PARP1: variants seen among roughly 807,000 people sequenced by gnomAD.
PARP1 encodes the protein poly [ADP-ribose] polymerase 1.
Under a neutral mutation model 118.7 loss-of-function variants are expected in PARP1, and 44 were observed. The ratio of observed to expected loss-of-function variants is 0.37; its 90% confidence interval spans 0.29 to 0.48. The LOEUF (loss-of-function observed/expected upper bound fraction) is 0.48, where lower values mean the gene tolerates loss of function less well. Ranked by LOEUF, PARP1 falls within the 20% of genes least tolerant of loss-of-function variation. The pLI, the probability that PARP1 is intolerant of heterozygous loss-of-function variation, is 0.99. For synonymous variants in PARP1, 492 were observed against 483.2 expected, an observed-to-expected ratio of 1.02 and a Z score of -0.24; for missense variants, 1,100 against 1,272.4, an observed-to-expected ratio of 0.86 and a Z score of 2.06.
At chr1:226,385,077 G>A (rs1012496933) in intron 7 of PARP1, among the ~76,000 whole-genome samples, 21 of 152,290 alleles carry the variant, frequency 1.4e-4, no homozygotes, top group African/African-American at 5.1e-4. Flanking sequence ...GAGAGAACGT[G>A]CGATACTAGG....
In PARP1 at chr1:226,361,239, C is replaced by A; in HGVS notation, c.*221G>T. Reference sequence around the variant, plus strand: ...GTTTTATCTACCTGGCAAGAAAAAACAAAAACAACCCCAAAACAACCCCTC... The same window carrying A: ...GTTTTATCTACCTGGCAAGAAAAAAAAAAAACAACCCCAAAACAACCCCTC... On this transcript the variant is annotated 3_prime_UTR_variant, in exon 23 of 23. Coordinates refer to ENST00000366794, the MANE Select transcript of PARP1 (RefSeq NM_001618.4). 1 of 598,280 alleles carries A rather than the reference C, an allele frequency of 1.7e-6. No homozygotes were observed. Among genetic ancestry groups the A allele is most frequent in the Non-Finnish European group, 3.0e-6 (1 of 334,136 alleles). 37.1% of individuals were successfully genotyped at this position (598,280 alleles called of 1,614,324 possible).
intron 2 of PARP1, among the ~76,000 whole-genome samples, chr1:226,399,748 T>C (rs1368291333): frequency 6.6e-6 from 1 of 152,202 alleles, no homozygotes; most frequent in Non-Finnish European, 1.5e-5. Context: ...TCAATGTAGC[T>C]CATCAGCTAT....
At chr1:226,392,545 C>A (rs1664839900) in intron 2 of PARP1, 1 of 573,854 alleles carries the variant, frequency 1.7e-6, no homozygotes, top group East Asian at 3.0e-5. Context: ...GAAAGAGCAG[C>A]ATATCAGGGG....
intron 17 of PARP1, 35 bp downstream of exon 17, chr1:226,367,445 G>A (rs1163677619): frequency 1.2e-6 from 2 of 1,612,130 alleles, no homozygotes; most frequent in Non-Finnish European, 1.7e-6. Context: ...CAGGATGAGA[G>A]GTTAAGATGC....
chr1:226,382,060 G>GA (rs1383482710), intron 8 of PARP1, among the ~76,000 whole-genome samples: 1 of 152,130 alleles, frequency 6.6e-6, no homozygotes, highest in Non-Finnish European at 1.5e-5. Context: ...CAGCACAGTG[G>GA]ACTCGGGATG....
At chr1:226,392,678 T>C (rs1664842280) in intron 2 of PARP1, 2 of 538,866 alleles carry the variant, frequency 3.7e-6, no homozygotes, top group Admixed American at 3.6e-5. Flanking sequence ...TCACTAAGGC[T>C]TCTAATTTCC....
chr1:226,364,965 C>A (rs775409261), intron 19 of PARP1, 37 bp downstream of exon 19: 1 of 1,611,174 alleles, frequency 6.2e-7, no homozygotes, highest in Admixed American at 1.7e-5. Flanking sequence ...CCTGCAGAGA[C>A]AGGCATTGCC....
At chr1:226,386,235 G>A (rs921689985) in intron 6 of PARP1, 91 bp downstream of exon 6, 13 of 807,180 alleles carry the variant, frequency 1.6e-5, no homozygotes, top group African/African-American at 1.2e-4. Context: ...GTGTTCACAC[G>A]GAGGGCCTCC....
intron 8 of PARP1, among the ~76,000 whole-genome samples, 176 bp from the exon 9 acceptor site, chr1:226,381,384 C>T (rs1664603593): frequency 2.6e-5 from 4 of 152,212 alleles, no homozygotes; most frequent in African/African-American, 9.6e-5. Context: ...TACAGATGTC[C>T]CTCAGCACAG....
chr1:226,400,557 A>G (rs567087631), intron 2 of PARP1, among the ~76,000 whole-genome samples: 13 of 152,318 alleles, frequency 8.5e-5, no homozygotes, highest in African/African-American at 3.1e-4. Flanking sequence ...GTTCCCTAGC[A>G]CTGTCACTGC....
intron 1 of PARP1, among the ~76,000 whole-genome samples, chr1:226,406,780 T>C (rs1665156546): frequency 6.6e-6 from 1 of 152,192 alleles, no homozygotes; most frequent in South Asian, 2.1e-4. Flanking sequence ...TATTGTGAAA[T>C]AAGATAACGG....
At chr1:226,388,551 A>C (rs1664756554) in intron 5 of PARP1, 105 bp downstream of exon 5, 1 of 813,928 alleles carries the variant, frequency 1.2e-6, no homozygotes, top group African/African-American at 1.7e-5. Flanking sequence ...CAATTTGCTA[A>C]AGGTCTTAAT....
intron 15 of PARP1, among the ~76,000 whole-genome samples, chr1:226,368,599 C>T (rs1005955821): frequency 2.0e-5 from 3 of 152,188 alleles, no homozygotes; most frequent in Admixed American, 6.5e-5. Flanking sequence ...TTTGAAACCC[C>T]GCCACAACTA....
chr1:226,390,554 TA>T lies in PARP1; in HGVS notation c.472del (p.Tyr158ThrfsTer38). 6.2e-7 allele frequency: 1 copy of T among 1,614,202 alleles called. No homozygotes were observed. Among genetic ancestry groups the T allele is most frequent in the Non-Finnish European group, 8.5e-7 (1 of 1,180,032 alleles). On this transcript the variant is annotated frameshift_variant, in exon 4 of 23. Coordinates refer to ENST00000366794, the MANE Select transcript of PARP1 (RefSeq NM_001618.4). LOFTEE classifies it high-confidence loss of function. ...KPQLGMIDRW[Y>X]HPGCFVKNRE... ...GTTCTTGACAAAGCAGCCTGGATGG[TA>T]CCAGCGGTCAATCATGCCTAGCTGT... is the stretch of plus-strand genomic sequence containing the variant.
chr1:226,386,621 A>C (rs1031921167), intron 5 of PARP1, among the ~76,000 whole-genome samples, 179 bp from the exon 6 acceptor site: 1 of 152,202 alleles, frequency 6.6e-6, no homozygotes, highest in Admixed American at 6.5e-5. Flanking sequence ...GTGGACACCA[A>C]ATTAAACCTG....
At chr1:226,368,412 GC>G (rs1326522049) in intron 15 of PARP1, 91 bp from the exon 16 acceptor site, 5 of 1,548,968 alleles carry the variant, frequency 3.2e-6, no homozygotes, top group African/African-American at 1.4e-5. Flanking sequence ...GGGTGCTGCA[GC>G]AGGTCCAGAA....
chr1:226,377,411 C>A, intron 12 of PARP1, 108 bp from the exon 13 acceptor site: 1 of 804,902 alleles, frequency 1.2e-6, no homozygotes. Flanking sequence ...TTTTACACAC[C>A]CCAAAAGGAT....
intron 17 of PARP1, chr1:226,367,211 C>A: frequency 2.0e-6 from 1 of 499,598 alleles, no homozygotes; most frequent in Non-Finnish European, 3.6e-6. Context: ...TGGTAAGACC[C>A]TCAAAAATAA....
intron 4 of PARP1, among the ~76,000 whole-genome samples, chr1:226,390,192 G>A (rs184459118): frequency 6.6e-6 from 1 of 152,188 alleles, no homozygotes; most frequent in Admixed American, 6.5e-5. Context: ...ACAGGGGAGA[G>A]GGCTCTCAGC....
Sources: gnomAD v4.1 joint callset for allele counts (sites outside exome capture counted in the v4.1 genomes callset) on GRCh38, gnomAD v4.1.1 for gene constraint, MANE v1.5 for transcripts, NCBI Gene and HGNC (gene_info 2026-07-23, HGNC 2026-07-21) for gene names.